The following ADK variants were observed in gnomAD, a reference collection of about 807,000 sequenced individuals.
ADK encodes the protein N6,N6-dimethyladenosine kinase.
Under a neutral mutation model 44.7 loss-of-function variants are expected in ADK, and 24 were observed. The observed-to-expected ratio is 0.54, with a 90% CI of 0.39 to 0.76. The LOEUF is 0.76. Ranked by LOEUF, ADK falls within the 30% of genes least tolerant of loss-of-function variation. The probability of loss-of-function intolerance (pLI) is 0.00; values close to 1 mark genes in which losing one functional copy is unlikely to be tolerated. For synonymous variants in ADK, 128 were observed against 142.6 expected (o/e 0.90, Z 0.73); for missense variants, 321 against 425.1 (o/e 0.76, Z 2.15).
At chr10:74,338,811 G>C (rs1161547761) in intron 4 of ADK, among the ~76,000 whole-genome samples, 2 of 152,150 alleles carry the variant, frequency 1.3e-5, no homozygotes, top group African/African-American at 4.8e-5. Flanking sequence ...TTGCAGGAGA[G>C]GGCTTCTTTG....
intron 1 of ADK, among the ~76,000 whole-genome samples, chr10:74,187,059 A>G (rs1271026658): frequency 6.6e-6 from 1 of 151,258 alleles, no homozygotes; most frequent in Non-Finnish European, 1.5e-5. Flanking sequence ...CATTCCCACC[A>G]GTTTTTTTTT....
At chr10:74,236,173 A>G (rs982519786) in intron 3 of ADK, among the ~76,000 whole-genome samples, 26 of 152,250 alleles carry the variant, frequency 1.7e-4, no homozygotes, top group African/African-American at 6.3e-4. Context: ...GACATAATGT[A>G]AGCTCAATGA....
At chr10:74,414,593 G>A (rs536273723) in intron 6 of ADK, among the ~76,000 whole-genome samples, 6 of 152,168 alleles carry the variant, frequency 3.9e-5, no homozygotes, top group South Asian at 2.1e-4. Flanking sequence ...AAAATTAGCC[G>A]GGCGTGGTGG....
At chr10:74,190,342 C>A (rs1842918105) in intron 1 of ADK, among the ~76,000 whole-genome samples, 1 of 152,196 alleles carries the variant, frequency 6.6e-6, no homozygotes, top group Non-Finnish European at 1.5e-5. Flanking sequence ...CCTTGACTTC[C>A]TGTTTTGCCG....
chr10:74,318,325 C>T (rs1392255992), intron 4 of ADK, among the ~76,000 whole-genome samples: 1 of 152,014 alleles, frequency 6.6e-6, no homozygotes, highest in Non-Finnish European at 1.5e-5. Context: ...CCTACCATAC[C>T]TGGCTAATTT....
At chr10:74,459,122 T>C (rs923554446) in intron 6 of ADK, among the ~76,000 whole-genome samples, 6 of 151,384 alleles carry the variant, frequency 4.0e-5, no homozygotes, top group Admixed American at 3.3e-4. Flanking sequence ...CTACTAAAAA[T>C]ACAAAAAATT....
chr10:74,506,350 CT>C (rs879611325), intron 6 of ADK: 93 of 260,108 alleles, frequency 3.6e-4, no homozygotes, highest in South Asian at 8.0e-4. Context: ...AGCAAGTCAG[CT>C]TTTTTTTGTA....
intron 7 of ADK, among the ~76,000 whole-genome samples, chr10:74,555,024 C>T (rs188739667): frequency 6.3e-4 from 96 of 152,176 alleles, no homozygotes; most frequent in African/African-American, 1.3e-3. Context: ...AGGCTGGGCA[C>T]GGTGGCTCAC....
At chr10:74,202,626 AT>A (rs1843437032) in intron 2 of ADK, among the ~76,000 whole-genome samples, 1 of 152,102 alleles carries the variant, frequency 6.6e-6, no homozygotes, top group South Asian at 2.1e-4. Context: ...GCCAAAGCTT[AT>A]TTTTTATTTT....
intron 9 of ADK, among the ~76,000 whole-genome samples, chr10:74,637,941 A>G (rs2134087482): frequency 6.6e-6 from 1 of 152,346 alleles, no homozygotes; most frequent in East Asian, 1.9e-4. Context: ...ACACTTAAAT[A>G]GTGCAGTTTA....
chr10:74,197,056 A>G (rs1843180730), intron 1 of ADK, among the ~76,000 whole-genome samples: 1 of 152,148 alleles, frequency 6.6e-6, no homozygotes, highest in African/African-American at 2.4e-5. Context: ...TCTGTATCTG[A>G]GCATCATAGA....
intron 4 of ADK, among the ~76,000 whole-genome samples, chr10:74,357,175 A>G (rs1314269896): frequency 6.6e-6 from 1 of 152,168 alleles, no homozygotes; most frequent in Non-Finnish European, 1.5e-5. Flanking sequence ...GCTACGAGTA[A>G]TAAATTGTCT....
intron 4 of ADK, among the ~76,000 whole-genome samples, chr10:74,349,873 T>C (rs1841907941): frequency 6.6e-6 from 1 of 152,098 alleles, no homozygotes; most frequent in Non-Finnish European, 1.5e-5. Flanking sequence ...CTATCGTAAA[T>C]ATATATGCAC....
intron 7 of ADK, among the ~76,000 whole-genome samples, chr10:74,532,860 C>T (rs999250898): frequency 4.5e-5 from 6 of 133,816 alleles, no homozygotes; most frequent in Middle Eastern, 4.7e-3. Context: ...GCGGAGGTTG[C>T]GATGAGCCGA....
chr10:74,673,614 C>T (rs1230844205), intron 10 of ADK, among the ~76,000 whole-genome samples: 1 of 152,122 alleles, frequency 6.6e-6, no homozygotes, highest in Non-Finnish European at 1.5e-5. Context: ...TTACAGTGCC[C>T]TTTTAGCTTT....
intron 2 of ADK, among the ~76,000 whole-genome samples, chr10:74,222,598 C>G (rs1844357581): frequency 6.6e-6 from 1 of 152,132 alleles, no homozygotes; most frequent in African/African-American, 2.4e-5. Flanking sequence ...ATAGCAAAGA[C>G]TTGGAACCAA....
At chr10:74,535,121 C>T (rs1034052574) in intron 7 of ADK, among the ~76,000 whole-genome samples, 2 of 152,128 alleles carry the variant, frequency 1.3e-5, no homozygotes, top group African/African-American at 4.8e-5. Flanking sequence ...CATCTGTATT[C>T]AGGAGTGCTT....
intron 6 of ADK, among the ~76,000 whole-genome samples, chr10:74,521,479 A>G (rs1057430644): frequency 1.3e-5 from 2 of 152,162 alleles, no homozygotes; most frequent in Non-Finnish European, 2.9e-5. Flanking sequence ...GCACAGATCA[A>G]ATTTTCAGTC....
intron 4 of ADK, among the ~76,000 whole-genome samples, chr10:74,393,480 G>T (rs1450890296): frequency 6.6e-6 from 1 of 152,014 alleles, no homozygotes; most frequent in Non-Finnish European, 1.5e-5. Flanking sequence ...ATTTTTAAAA[G>T]AATTTTTTTA....
Sources: allele counts gnomAD v4.1 joint callset (sites outside exome capture counted in the v4.1 genomes callset), GRCh38; gene constraint gnomAD v4.1.1; transcripts MANE v1.5; gene names NCBI Gene and HGNC (gene_info 2026-07-23, HGNC 2026-07-21).